Variants in ASIC2 observed in about 807,000 individuals in gnomAD.
ASIC2 encodes acid-sensing ion channel 2.
In ASIC2, 25 loss-of-function variants were observed where a neutral mutation model predicts 57.3. The ratio of observed to expected loss-of-function variants is 0.44; its 90% CI spans 0.32 to 0.61. ASIC2 has a LOEUF of 0.61. Among genes scored for constraint, ASIC2 ranks in the 20% least tolerant of loss-of-function variants. The pLI, the probability that ASIC2 is intolerant of heterozygous loss-of-function variation, is 0.06. For synonymous variants in ASIC2, 319 were observed against 307.5 expected (o/e 1.04, Z -0.39); for missense variants, 641 against 738.1 (o/e 0.87, Z 1.52).
At chr17:33,565,906 A>G (rs889220200) in intron 1 of ASIC2, 2 of 152,298 alleles carry the variant, frequency 1.3e-5, no homozygotes, top group Non-Finnish European at 2.9e-5. Context: ...ACTGGAGCCT[A>G]AGCCCTGACA....
At chr17:33,143,884 T>C (rs2142020929) in intron 1 of ASIC2, among the ~76,000 whole-genome samples, 1 of 152,278 alleles carries the variant, frequency 6.6e-6, no homozygotes, top group South Asian at 2.1e-4. Context: ...TTTAAAAAAG[T>C]TGCAATAAGA....
chr17:33,588,858 C>A (rs573915967), intron 1 of ASIC2, among the ~76,000 whole-genome samples: 2 of 152,324 alleles, frequency 1.3e-5, no homozygotes, highest in East Asian at 3.9e-4. Flanking sequence ...GTGTTAAGAA[C>A]TGTTAGTAAA....
chr17:33,789,891 G>T (rs1248935441), intron 1 of ASIC2, among the ~76,000 whole-genome samples: 1 of 152,182 alleles, frequency 6.6e-6, no homozygotes, highest in Non-Finnish European at 1.5e-5. Flanking sequence ...GTGATGTCAA[G>T]TCCAGGGCCC....
intron 3 of ASIC2, among the ~76,000 whole-genome samples, chr17:33,035,628 C>T (rs1036362878): frequency 1.3e-5 from 2 of 152,218 alleles, no homozygotes; most frequent in African/African-American, 4.8e-5. Flanking sequence ...AGGAACAACA[C>T]TTCTGGGTTT....
chr17:33,181,813 A>G (rs983160911), intron 1 of ASIC2, among the ~76,000 whole-genome samples: 3 of 152,204 alleles, frequency 2.0e-5, no homozygotes, highest in African/African-American at 4.8e-5. Context: ...GGGGCACCCA[A>G]TTTGAATCCC....
intron 1 of ASIC2, among the ~76,000 whole-genome samples, chr17:33,282,005 C>T (rs1904969655): frequency 6.6e-6 from 1 of 152,168 alleles, no homozygotes; most frequent in African/African-American, 2.4e-5. Context: ...AAAATACTCC[C>T]AAGCTATTTC....
At chr17:33,082,820 T>C (rs1408069126) in intron 3 of ASIC2, among the ~76,000 whole-genome samples, 1 of 152,198 alleles carries the variant, frequency 6.6e-6, no homozygotes, top group Non-Finnish European at 1.5e-5. Context: ...CCATACCGCA[T>C]GAATATCCCA....
At chr17:34,056,491 A>G (rs557342601) in intron 1 of ASIC2, among the ~76,000 whole-genome samples, 6 of 152,312 alleles carry the variant, frequency 3.9e-5, no homozygotes, top group African/African-American at 1.4e-4. Flanking sequence ...GTAGGTAAGG[A>G]GTGCTGTGAG....
chr17:33,142,215 A>G (rs1460071297), intron 1 of ASIC2, among the ~76,000 whole-genome samples: 1 of 152,226 alleles, frequency 6.6e-6, no homozygotes, highest in Non-Finnish European at 1.5e-5. Context: ...GGGGAAGGTA[A>G]TGAAATAAAG....
At chr17:33,111,589 C>T (rs1004492525) in intron 2 of ASIC2, among the ~76,000 whole-genome samples, 3 of 152,134 alleles carry the variant, frequency 2.0e-5, no homozygotes, top group Non-Finnish European at 4.4e-5. Context: ...GAGGCTGATC[C>T]ATCCTTCCCG....
At chr17:33,879,334 C>T (rs192346329) in intron 1 of ASIC2, among the ~76,000 whole-genome samples, 2 of 152,172 alleles carry the variant, frequency 1.3e-5, no homozygotes, top group Admixed American at 6.5e-5. Flanking sequence ...AAAGTCAAGA[C>T]CCATCAGTGT....
chr17:33,931,212 C>G (rs910956726), intron 1 of ASIC2: 4 of 152,190 alleles, frequency 2.6e-5, no homozygotes, highest in Non-Finnish European at 4.4e-5. Context: ...GCGAGCAATT[C>G]CTGTCCCTTT....
At chr17:33,994,729 T>G (rs1906101362) in intron 1 of ASIC2, among the ~76,000 whole-genome samples, 1 of 152,140 alleles carries the variant, frequency 6.6e-6, no homozygotes, top group African/African-American at 2.4e-5. Flanking sequence ...TCTTCTTGAC[T>G]GTGAACCCAC....
intron 1 of ASIC2, among the ~76,000 whole-genome samples, chr17:33,162,834 C>T (rs1361574646): frequency 6.6e-6 from 1 of 152,232 alleles, no homozygotes; most frequent in East Asian, 1.9e-4. Context: ...CCCTGGAGGG[C>T]AGCTTCTGTA....
At chr17:33,180,628 G>T (rs934164947) in intron 1 of ASIC2, among the ~76,000 whole-genome samples, 6 of 152,152 alleles carry the variant, frequency 3.9e-5, no homozygotes, top group African/African-American at 1.4e-4. Flanking sequence ...CCAGGCCTTG[G>T]CAGGGACTTG....
intron 1 of ASIC2, among the ~76,000 whole-genome samples, chr17:33,597,832 G>A (rs899903419): frequency 3.3e-5 from 5 of 152,120 alleles, no homozygotes; most frequent in African/African-American, 1.2e-4. Context: ...TCATCCCCTT[G>A]TATTCTGTCC....
intron 1 of ASIC2, among the ~76,000 whole-genome samples, chr17:33,927,886 A>G (rs886252305): frequency 3.9e-5 from 6 of 152,234 alleles, no homozygotes; most frequent in Non-Finnish European, 5.9e-5. Flanking sequence ...AGCCATATCA[A>G]ATTACAGCCG....
intron 1 of ASIC2, among the ~76,000 whole-genome samples, chr17:33,512,167 T>C (rs1914448419): frequency 6.6e-6 from 1 of 152,180 alleles, no homozygotes; most frequent in South Asian, 2.1e-4. Flanking sequence ...GTCTTAATGG[T>C]TCCAGGAGCT....
intron 1 of ASIC2, among the ~76,000 whole-genome samples, chr17:33,886,281 C>CA (rs1348650471): frequency 6.6e-6 from 1 of 152,104 alleles, no homozygotes; most frequent in Non-Finnish European, 1.5e-5. Flanking sequence ...CATCACATCT[C>CA]ATTGGCCAAG....
Sources: gnomAD v4.1 joint callset for allele counts (sites outside exome capture counted in the v4.1 genomes callset) on GRCh38, gnomAD v4.1.1 for gene constraint, MANE v1.5 for transcripts, NCBI Gene and HGNC (gene_info 2026-07-23, HGNC 2026-07-21) for gene names.